The following DENND1B variants were observed in gnomAD, a reference collection of about 807,000 sequenced individuals.
DENND1B encodes the protein DENN domain-containing protein 1B.
A neutral mutation model predicts 90.1 loss-of-function variants in DENND1B; 59 were observed. That is an observed-to-expected ratio of 0.65 (90% CI 0.53 to 0.81). The LOEUF is 0.81. Ranked by LOEUF, DENND1B falls within the 40% of genes least tolerant of loss-of-function variation. The pLI, the probability that DENND1B is intolerant of heterozygous loss-of-function variation, is 0.00. For synonymous variants in DENND1B, 337 were observed against 324.6 expected, an observed-to-expected ratio of 1.04 and a Z score of -0.41; for missense variants, 862 against 912.6, an observed-to-expected ratio of 0.94 and a Z score of 0.71.
At position 197,506,976 on chromosome 1, in the gene DENND1B, G is replaced by C. The variant is rs970512516; in HGVS notation, c.*3484C>G. ...TCTCTAAATCTGCCCCTTAAATGTG[G>C]GTATCTTAGCAGCATAATATACTTA... On this transcript the variant is annotated 3_prime_UTR_variant, in exon 23 of 23. Transcript: ENST00000620048. 3 of 150,924 alleles carry C rather than the reference G, an allele frequency of 2.0e-5. No individual in the cohort carries two copies. Among genetic ancestry groups the C allele is most frequent in the East Asian group, 3.9e-4 (2 of 5,114 alleles). The allele number at this position is 150,924 out of a possible 1,614,324, so 9.3% of individuals were successfully genotyped here.
chr1:197,747,292 G>T, intron 2 of DENND1B: 1 of 606,648 alleles, frequency 1.6e-6, no homozygotes, highest in Non-Finnish European at 3.1e-6. Flanking sequence ...TTCAGTTTTG[G>T]GTTCATCTAT....
chr1:197,539,565 T>C (rs931957869), intron 20 of DENND1B, among the ~76,000 whole-genome samples: 3 of 152,220 alleles, frequency 2.0e-5, no homozygotes, highest in Admixed American at 1.3e-4. Context: ...GATAGACTTA[T>C]AGTAGTTCAG....
At chr1:197,575,983 T>C (rs1242612918) in intron 15 of DENND1B, among the ~76,000 whole-genome samples, 2 of 151,916 alleles carry the variant, frequency 1.3e-5, no homozygotes, top group Non-Finnish European at 2.9e-5. Context: ...CTAATGTAAA[T>C]AATGAGTTAA....
At chr1:197,714,680 T>G (rs542888644) in intron 3 of DENND1B, among the ~76,000 whole-genome samples, 1 of 152,228 alleles carries the variant, frequency 6.6e-6, no homozygotes, top group East Asian at 1.9e-4. Flanking sequence ...ACAGAAAGAA[T>G]AAGAGTATAT....
At position 197,512,967 on chromosome 1, in the gene DENND1B, T is replaced by G. The variant is rs758679878; in HGVS notation, c.1516-14A>C. On this transcript the variant is annotated splice_polypyrimidine_tract_variant and intron_variant, in intron 20 of 22. Transcript: ENST00000620048. ...TTTTAAGCGTGCCTGGAGAGAGAGA[T>G]TGACAATAAATTGGCATTAGCAGTT... is the stretch of plus-strand genomic sequence containing the variant. 6.3e-7 allele frequency: 1 copy of G among 1,599,904 alleles called. No homozygotes were observed. Among genetic ancestry groups the G allele is most frequent in the South Asian group, 1.1e-5 (1 of 88,854 alleles).
At chr1:197,605,913 T>A (rs1676635000) in intron 13 of DENND1B, 1 of 151,052 alleles carries the variant, frequency 6.6e-6, no homozygotes, top group Admixed American at 6.6e-5. Context: ...TCAAGGCTGG[T>A]ATTAGTGTAT....
intron 20 of DENND1B, among the ~76,000 whole-genome samples, chr1:197,519,415 C>T (rs1052952282): frequency 3.3e-5 from 5 of 151,808 alleles, no homozygotes; most frequent in African/African-American, 1.2e-4. Context: ...CCATGAGGCA[C>T]AGAAGGGTAT....
intron 2 of DENND1B, among the ~76,000 whole-genome samples, chr1:197,769,893 A>T (rs930171482): frequency 6.6e-5 from 10 of 152,162 alleles, no homozygotes; most frequent in African/African-American, 2.4e-4. Context: ...TCTATTTAAG[A>T]TTTAGCTGTA....
intron 3 of DENND1B, among the ~76,000 whole-genome samples, chr1:197,684,406 G>A (rs989694590): frequency 2.0e-5 from 3 of 152,190 alleles, no homozygotes; most frequent in African/African-American, 2.4e-5. Context: ...TGTTTTCATC[G>A]AGATTGCAAT....
intron 2 of DENND1B, chr1:197,734,008 A>C: frequency 2.5e-6 from 2 of 815,182 alleles, no homozygotes; most frequent in Non-Finnish European, 3.0e-6. Flanking sequence ...CATTCAAAAA[A>C]TTACAAGAAA....
At chr1:197,638,939 AAC>A (rs1228912254) in intron 10 of DENND1B, among the ~76,000 whole-genome samples, 10 of 152,360 alleles carry the variant, frequency 6.6e-5, no homozygotes, top group African/African-American at 2.4e-4. Context: ...AATAGGTACT[AAC>A]ACAATACCAC....
At chr1:197,757,926 C>A (rs563852480) in intron 2 of DENND1B, among the ~76,000 whole-genome samples, 1 of 152,340 alleles carries the variant, frequency 6.6e-6, no homozygotes, top group Non-Finnish European at 1.5e-5. Context: ...AGCTCATCAT[C>A]ATTCCTTCAA....
rs1571965511 is a variant in DENND1B at position 197,583,054 on chromosome 1, G to T, written c.1149+98C>A. 2.8e-6 allele frequency: 3 copies of T among 1,083,842 alleles called. No homozygotes were observed. In the East Asian group the frequency reaches 7.2e-5, roughly 26 times the overall value. The allele number at this position is 1,083,842 out of a possible 1,614,324, so 67.1% of individuals were successfully genotyped here. A position where few individuals can be genotyped will look rare whatever the true frequency, so the allele number is the denominator to read the frequency against. ...AAAAATTTCCTGACATTCTAGAAAA[G>T]ATGCTACTCAGGGTTTGTACATAGT... On this transcript the variant is annotated intron_variant, in intron 15 of 22. Coordinates refer to ENST00000620048, the MANE Select transcript of DENND1B (RefSeq NM_001195215.2).
intron 11 of DENND1B, among the ~76,000 whole-genome samples, chr1:197,613,912 T>G (rs929483576): frequency 6.6e-6 from 1 of 151,056 alleles, no homozygotes; most frequent in Non-Finnish European, 1.5e-5. Flanking sequence ...AGGTAAGCCT[T>G]CTAAAAACAA....
chr1:197,536,914 G>A (rs1669949749), intron 20 of DENND1B, among the ~76,000 whole-genome samples: 1 of 151,906 alleles, frequency 6.6e-6, no homozygotes, highest in Admixed American at 6.6e-5. Flanking sequence ...GGTGGCGGGT[G>A]CCTGTAGTCC....
At chr1:197,691,686 G>C (rs1018061917) in intron 3 of DENND1B, among the ~76,000 whole-genome samples, 2 of 151,914 alleles carry the variant, frequency 1.3e-5, no homozygotes, top group African/African-American at 2.4e-5. Context: ...ACTCAGAATA[G>C]CAAAGATGTG....
At chr1:197,728,917 A>G (rs1458128500) in intron 2 of DENND1B, among the ~76,000 whole-genome samples, 1 of 152,076 alleles carries the variant, frequency 6.6e-6, no homozygotes, top group African/African-American at 2.4e-5. Flanking sequence ...CATCCTACCT[A>G]TCTAAATGTA....
Position 197,772,926 on chromosome 1 carries a change from A to G in DENND1B, c.24T>C (p.Asn8=), listed in dbSNP as rs886252928. Reference sequence around the variant, plus strand: ...ACACCAAGTCAAAGGTTCTGTCTGGATTTGCCCTAAAAGGAAAAAGTTTAA... The same window carrying G: ...ACACCAAGTCAAAGGTTCTGTCTGGGTTTGCCCTAAAAGGAAAAAGTTTAA... MDCRTKA[N]PDRTFDLVLK... is the part of the protein sequence containing the mutation. The change falls in exon 2 of 23, where the codon AAT becomes AAC. Residue 8 remains asparagine, a synonymous_variant. Transcript: ENST00000620048. 2 of 1,551,454 alleles carry G rather than the reference A, an allele frequency of 1.3e-6. No individual in the cohort carries two copies. Among genetic ancestry groups the G allele is most frequent in the South Asian group, 1.2e-5 (1 of 83,958 alleles).
intron 15 of DENND1B, among the ~76,000 whole-genome samples, chr1:197,581,400 T>C (rs959731044): frequency 6.6e-6 from 1 of 152,206 alleles, no homozygotes; most frequent in Non-Finnish European, 1.5e-5. Context: ...TTGAACAAAC[T>C]GTATTTTTTA....
Sources: gnomAD v4.1 joint callset for allele counts (sites outside exome capture counted in the v4.1 genomes callset) on GRCh38, gnomAD v4.1.1 for gene constraint, MANE v1.5 for transcripts, NCBI Gene and HGNC (gene_info 2026-07-23, HGNC 2026-07-21) for gene names.